ADAM10: variants seen among roughly 807,000 people sequenced by gnomAD.
ADAM10 encodes ADAM metallopeptidase domain 10.
ADAM10 carries 17 observed loss-of-function variants against 90.1 expected under a neutral mutation model. That is an observed-to-expected ratio of 0.19 (90% confidence interval 0.13 to 0.28). ADAM10 has a LOEUF of 0.28. Ranked by LOEUF, ADAM10 falls within the 10% of genes least tolerant of loss-of-function variation. ADAM10 has a pLI of 1.00. For missense variants in ADAM10, 610 were observed against 914.3 expected (o/e 0.67, Z 4.29); for synonymous variants, 310 against 298.6 (o/e 1.04, Z -0.40).
rs1566982302 is a variant in ADAM10, at chr15:58,655,707, T to TC, written c.585+9389_585+9390insG. On this transcript the variant is annotated intron_variant, in intron 5 of 15. Transcript: ENST00000260408. ...ATATATTATATATAGTATATATATA[T>TC]ATAGTATATATATATATATATATAT... 7.0e-4 allele frequency among the ~76,000 whole-genome samples: 40 copies of TC among 57,296 alleles called. 1 individual carries two copies. The highest frequency in any genetic ancestry group is 5.4e-3 in the African/African-American group (36 of 6,706). The allele number at this position is 57,296 out of a possible 152,430, so 37.6% of individuals were successfully genotyped here.
At chr15:58,619,398 G>A (rs1229345415) in intron 11 of ADAM10, among the ~76,000 whole-genome samples, 1 of 152,166 alleles carries the variant, frequency 6.6e-6, no homozygotes, top group African/African-American at 2.4e-5. Context: ...ATGAGCTCTA[G>A]TGTTTGATAG....
At chr15:58,712,241 A>G (rs1334524665) in intron 2 of ADAM10, among the ~76,000 whole-genome samples, 1 of 152,320 alleles carries the variant, frequency 6.6e-6, no homozygotes, top group African/African-American at 2.4e-5. Context: ...AAATTATAGT[A>G]TGCTAAAGTA....
At chr15:58,733,252 A>G (rs1899317763) in intron 1 of ADAM10, 1 of 152,242 alleles carries the variant, frequency 6.6e-6, no homozygotes, top group African/African-American at 2.4e-5. Context: ...GAACTGCTCC[A>G]TCTATCCACA....
chr15:58,662,059 C>T (rs1444323778), intron 5 of ADAM10, among the ~76,000 whole-genome samples: 1 of 151,978 alleles, frequency 6.6e-6, no homozygotes, highest in Non-Finnish European at 1.5e-5. Flanking sequence ...ATTTAGGTGG[C>T]TTTTCTCCTT....
intron 11 of ADAM10, among the ~76,000 whole-genome samples, chr15:58,612,754 G>A (rs930921502): frequency 3.3e-5 from 5 of 152,174 alleles, no homozygotes; most frequent in African/African-American, 4.8e-5. Flanking sequence ...ACCCAAGCCC[G>A]GGCTATACCC....
intron 8 of ADAM10, among the ~76,000 whole-genome samples, chr15:58,638,449 A>G (rs932441861): frequency 2.0e-5 from 3 of 151,794 alleles, no homozygotes; most frequent in African/African-American, 4.8e-5. Context: ...CCCCATCTCC[A>G]CTAAAAATAT....
chr15:58,745,464 G>A (rs531444315), intron 1 of ADAM10, among the ~76,000 whole-genome samples: 1 of 152,164 alleles, frequency 6.6e-6, no homozygotes, highest in African/African-American at 2.4e-5. Flanking sequence ...TGGAGAGACT[G>A]TAACGATCAT....
intron 5 of ADAM10, among the ~76,000 whole-genome samples, chr15:58,658,014 T>A (rs1339763581): frequency 6.6e-6 from 1 of 152,146 alleles, no homozygotes; most frequent in Non-Finnish European, 1.5e-5. Context: ...TAACTATGTT[T>A]TTTGAGGCAA....
chr15:58,738,818 CT>C (rs1376522667), intron 1 of ADAM10, among the ~76,000 whole-genome samples: 3 of 151,938 alleles, frequency 2.0e-5, no homozygotes, highest in Non-Finnish European at 4.4e-5. Context: ...TTTTTTTATT[CT>C]TTTTTTCTGA....
intron 9 of ADAM10, among the ~76,000 whole-genome samples, chr15:58,629,705 T>C (rs1400890597): frequency 6.6e-6 from 1 of 152,222 alleles, no homozygotes; most frequent in African/African-American, 2.4e-5. Context: ...TTTTGATCTA[T>C]TTCCTATCTG....
intron 2 of ADAM10, among the ~76,000 whole-genome samples, chr15:58,695,005 A>C (rs1318289875): frequency 6.6e-6 from 1 of 152,212 alleles, no homozygotes; most frequent in African/African-American, 2.4e-5. Flanking sequence ...TGCACCTCTA[A>C]CTATATACCT....
intron 1 of ADAM10, among the ~76,000 whole-genome samples, chr15:58,723,759 A>G (rs1041778175): frequency 1.4e-4 from 21 of 152,104 alleles, no homozygotes; most frequent in Admixed American, 6.6e-5. Context: ...AGCAAAAAGA[A>G]TAACTGGGTA....
intron 2 of ADAM10, among the ~76,000 whole-genome samples, chr15:58,705,625 G>A (rs1898259116): frequency 6.6e-6 from 1 of 152,056 alleles, no homozygotes; most frequent in African/African-American, 2.4e-5. Context: ...AACCACCTTT[G>A]GTGCAGAGCA....
At chr15:58,725,368 C>CAAA (rs566581100) in intron 1 of ADAM10, among the ~76,000 whole-genome samples, 27 of 110,842 alleles carry the variant, frequency 2.4e-4, no homozygotes, top group South Asian at 2.9e-4. Flanking sequence ...TTGTCTCTAC[C>CAAA]AAAAAAAAAA....
intron 1 of ADAM10, chr15:58,747,306 A>G (rs558330987): frequency 6.6e-6 from 1 of 152,380 alleles, no homozygotes; most frequent in African/African-American, 2.4e-5. Flanking sequence ...AGTAATATAC[A>G]GAGCAAGAAA....
intron 11 of ADAM10, among the ~76,000 whole-genome samples, chr15:58,613,136 C>T (rs780006318): frequency 3.9e-5 from 6 of 152,214 alleles, no homozygotes; most frequent in Admixed American, 3.9e-4. Flanking sequence ...CACCAGCATC[C>T]ATTACCACAA....
At chr15:58,651,021 G>A (rs1257578139) in intron 5 of ADAM10, among the ~76,000 whole-genome samples, 2 of 151,798 alleles carry the variant, frequency 1.3e-5, no homozygotes, top group African/African-American at 4.8e-5. Flanking sequence ...CATTTCTCCA[G>A]ATCAAAATCC....
chr15:58,618,832 T>A (rs1288029571), intron 11 of ADAM10, among the ~76,000 whole-genome samples: 1 of 151,898 alleles, frequency 6.6e-6, no homozygotes, highest in African/African-American at 2.4e-5. Context: ...ATGACCATTA[T>A]CAAAATGATC....
At chr15:58,697,510 C>T (rs1316611809) in intron 2 of ADAM10, among the ~76,000 whole-genome samples, 1 of 152,190 alleles carries the variant, frequency 6.6e-6, no homozygotes, top group Non-Finnish European at 1.5e-5. Flanking sequence ...TGAGATTTAG[C>T]CCACTCAATC....
Sources: gnomAD v4.1 joint callset for allele counts (sites outside exome capture counted in the v4.1 genomes callset) on GRCh38, gnomAD v4.1.1 for gene constraint, MANE v1.5 for transcripts, NCBI Gene and HGNC (gene_info 2026-07-23, HGNC 2026-07-21) for gene names.